Variants in C2orf80 observed in about 807,000 individuals in gnomAD.
The protein encoded by C2orf80 is chromosome 2 open reading frame 80.
C2orf80 carries 28 observed loss-of-function variants against 30.2 expected under a neutral mutation model. The ratio of observed to expected loss-of-function variants is 0.93; its 90% CI spans 0.69 to 1.27. C2orf80 has a LOEUF of 1.27. Ranked by LOEUF, C2orf80 falls within the 50% of genes most tolerant of loss-of-function variation. C2orf80 has a pLI of 0.00. For synonymous variants in C2orf80, 80 were observed against 76.4 expected (o/e 1.05, Z -0.24); for missense variants, 220 against 231.0 (o/e 0.95, Z 0.31).
At chr2:208,177,142 T>C (rs1267269195) in intron 6 of C2orf80, among the ~76,000 whole-genome samples, 1 of 147,462 alleles carries the variant, frequency 6.8e-6, no homozygotes, top group East Asian at 2.0e-4. Flanking sequence ...TACATACATA[T>C]ATATTATATA....
At chr2:208,180,853 T>C (rs562667687) in intron 5 of C2orf80, 37 bp from the exon 6 acceptor site, 2 of 1,544,882 alleles carry the variant, frequency 1.3e-6, no homozygotes, top group Admixed American at 1.7e-5. Context: ...AGTATGATCA[T>C]ACCATGGCTT....
intron 1 of C2orf80, 98 bp downstream of exon 1, chr2:208,189,855 C>T: frequency 5.8e-6 from 4 of 687,758 alleles, no homozygotes; most frequent in Non-Finnish European, 7.9e-6. Context: ...ACATTCCATG[C>T]AGGTTCCCTG....
At chr2:208,176,937 A>AGATCTGTATACATATGTATACAGATCTG (rs1696338936) in intron 6 of C2orf80, among the ~76,000 whole-genome samples, 1 of 89,206 alleles carries the variant, frequency 1.1e-5, no homozygotes, top group Non-Finnish European at 2.4e-5. Flanking sequence ...ATATGTATAC[A>AGATCTGTATACATATGTATACAGATCTG]TATCTGTATA....
rs1325321779 is a variant in C2orf80 at position 208,184,961 on chromosome 2, A to G, written c.113T>C (p.Leu38Pro). 6.2e-7 allele frequency: 1 copy of G among 1,613,454 alleles called. No individual in the cohort carries two copies. The highest frequency in any genetic ancestry group is 8.5e-7 in the Non-Finnish European group (1 of 1,179,554). The part of the protein sequence containing the change: ...DPKGRRQLTF[L>P]DDMAHYDLAI... ...CGTGCCTTTCTTTACCATATCATCT[A>G]GAAAGGTGAGTTGCCGTCTTCCTTT... The change falls in exon 3 of 9, where the codon CTA becomes CCA. Residue 38 changes from leucine (L) to proline (P), a missense_variant. Physicochemically the swap from Leu to Pro is moderately conservative, Grantham distance 98. Transcript: ENST00000341287.
intron 1 of C2orf80, among the ~76,000 whole-genome samples, 184 bp from the exon 2 acceptor site, chr2:208,187,245 T>C (rs1176548080): frequency 6.6e-6 from 1 of 152,352 alleles, no homozygotes; most frequent in East Asian, 1.9e-4. Flanking sequence ...ATTTGACACC[T>C]TTTATTCCTT....
intron 4 of C2orf80, among the ~76,000 whole-genome samples, chr2:208,181,763 T>C (rs542021633): frequency 6.6e-6 from 1 of 152,148 alleles, no homozygotes; most frequent in East Asian, 1.9e-4. Context: ...TGTCCAACCC[T>C]AGACAAGCCA....
intron 8 of C2orf80, among the ~76,000 whole-genome samples, chr2:208,166,426 T>G (rs1695889182): frequency 6.6e-6 from 1 of 152,216 alleles, no homozygotes; most frequent in Non-Finnish European, 1.5e-5. Flanking sequence ...ATTTTTACAT[T>G]AAAAAGTTAT....
chr2:208,170,252 C>T (rs148346865), intron 8 of C2orf80, among the ~76,000 whole-genome samples: 29 of 152,262 alleles, frequency 1.9e-4, no homozygotes, highest in South Asian at 1.5e-3. Context: ...ATTCTCTCCC[C>T]GCTCAGCTTT....
chr2:208,172,842 C>T (rs72974829), intron 6 of C2orf80, among the ~76,000 whole-genome samples: 72 of 152,258 alleles, frequency 4.7e-4, no homozygotes, highest in Non-Finnish European at 8.2e-4. Context: ...CTTGGCCAGG[C>T]GCAGTGGGTC....
rs140035789 is a variant in C2orf80, at chr2:208,165,948, T to C, written c.574-133A>G. On this transcript the variant is annotated intron_variant, in intron 8 of 8. Transcript: ENST00000341287. ...CTGACAAAGATAGATTAGATTAATG[T>C]AATTACAAAGGAATTTTCATGGAAT... 4.1e-5 allele frequency: 23 copies of C among 557,814 alleles called. No homozygotes were observed. The East Asian group carries it at 6.4e-4, about 16-fold the overall frequency. The allele number at this position is 557,814 out of a possible 1,614,324, so 34.6% of individuals were successfully genotyped here.
chr2:208,173,144 A>AAAC (rs1553596267), intron 6 of C2orf80, among the ~76,000 whole-genome samples: 4 of 131,296 alleles, frequency 3.0e-5, no homozygotes, highest in African/African-American at 8.7e-5. Context: ...AAAAAAAAAA[A>AAAC]CTCAAGTGCC....
chr2:208,177,176 T>C (rs1419230615), intron 6 of C2orf80, among the ~76,000 whole-genome samples: 1 of 127,134 alleles, frequency 7.9e-6, no homozygotes, highest in South Asian at 2.6e-4. Context: ...TATATGTGTA[T>C]ATGTAATATA....
chr2:208,181,442 G>T, intron 4 of C2orf80, 137 bp from the exon 5 acceptor site: 1 of 544,576 alleles, frequency 1.8e-6, no homozygotes, highest in East Asian at 2.8e-5. Context: ...AAATTGGTAT[G>T]ATTGTTCCTC....
At chr2:208,167,018 G>A (rs1232121617) in intron 8 of C2orf80, among the ~76,000 whole-genome samples, 1 of 152,066 alleles carries the variant, frequency 6.6e-6, no homozygotes, top group East Asian at 1.9e-4. Flanking sequence ...CTATGAGGTA[G>A]GTACTATTAT....
chr2:208,171,845 C>A (rs1310605367), intron 7 of C2orf80, 143 bp downstream of exon 7: 1 of 780,540 alleles, frequency 1.3e-6, no homozygotes, highest in East Asian at 2.5e-5. Context: ...AAATCAAGCC[C>A]TAAGAGCCCC....
chr2:208,187,382 G>A (rs1210588370), intron 1 of C2orf80, among the ~76,000 whole-genome samples: 1 of 152,174 alleles, frequency 6.6e-6, no homozygotes, highest in African/African-American at 2.4e-5. Flanking sequence ...CTAGATGGAT[G>A]TGATCCATCT....
intron 1 of C2orf80, among the ~76,000 whole-genome samples, chr2:208,187,908 C>T (rs1291698883): frequency 6.6e-6 from 1 of 152,036 alleles, no homozygotes; most frequent in Non-Finnish European, 1.5e-5. Flanking sequence ...TGACCTCCCC[C>T]ATGCAAGAAG....
intron 1 of C2orf80, among the ~76,000 whole-genome samples, chr2:208,189,405 C>T (rs926269783): frequency 6.6e-6 from 1 of 152,124 alleles, no homozygotes; most frequent in Non-Finnish European, 1.5e-5. Flanking sequence ...TGAGTATGTC[C>T]CACTCCCAAA....
chr2:208,172,203 C>T (rs775655703), intron 6 of C2orf80, 128 bp from the exon 7 acceptor site: 57 of 775,050 alleles, frequency 7.4e-5, no homozygotes, highest in Non-Finnish European at 1.2e-4. Flanking sequence ...TACTGTCCAA[C>T]GGACACACTG....
Sources: gnomAD v4.1 joint callset for allele counts (sites outside exome capture counted in the v4.1 genomes callset) on GRCh38, gnomAD v4.1.1 for gene constraint, MANE v1.5 for transcripts, NCBI Gene and HGNC (gene_info 2026-07-23, HGNC 2026-07-21) for gene names.